Variants in CSMD2 observed in about 807,000 individuals in gnomAD.
CSMD2 encodes the protein CUB and Sushi multiple domains 2.
In CSMD2, 130 loss-of-function variants were observed where a neutral mutation model predicts 398.5. The observed-to-expected ratio is 0.33, with a 90% CI of 0.28 to 0.38. The LOEUF is 0.38. Ranked by LOEUF, CSMD2 falls within the 10% of genes least tolerant of loss-of-function variation. CSMD2 has a pLI of 1.00. For synonymous variants in CSMD2, 1,828 were observed against 1,908.5 expected (o/e 0.96, Z 1.10); for missense variants, 3,829 against 4,764.9 (o/e 0.80, Z 5.78).
At chr1:33,806,660 T>A (rs1226988587) in intron 10 of CSMD2, among the ~76,000 whole-genome samples, 1 of 152,172 alleles carries the variant, frequency 6.6e-6, no homozygotes, top group Non-Finnish European at 1.5e-5. Context: ...TCAAGAATGA[T>A]CTAAACATAA....
At chr1:33,794,806 C>A (rs1654748470) in intron 10 of CSMD2, among the ~76,000 whole-genome samples, 1 of 151,548 alleles carries the variant, frequency 6.6e-6, no homozygotes, top group Non-Finnish European at 1.5e-5. Flanking sequence ...GGGTGTGGAC[C>A]TGTAGCAAGG....
At chr1:33,548,188 ATTACC>A (rs200110913) in intron 56 of CSMD2, among the ~76,000 whole-genome samples, 3,761 of 152,284 alleles carry the variant, frequency 0.025, 153 homozygotes, top group African/African-American at 0.081. Context: ...TTGTTTATAA[ATTACC>A]AGGCTCAGGT....
chr1:33,822,136 A>G (rs908530440), intron 7 of CSMD2, among the ~76,000 whole-genome samples: 1 of 152,146 alleles, frequency 6.6e-6, no homozygotes, highest in African/African-American at 2.4e-5. Flanking sequence ...AGTTACCTAG[A>G]GATGAGTTAG....
chr1:33,702,911 A>G (rs1645657040), intron 22 of CSMD2, among the ~76,000 whole-genome samples: 1 of 152,198 alleles, frequency 6.6e-6, no homozygotes, highest in Non-Finnish European at 1.5e-5. Flanking sequence ...CTGATAGATT[A>G]GTCATTTAAC....
At chr1:33,848,981 G>A (rs947353681) in intron 5 of CSMD2, among the ~76,000 whole-genome samples, 3 of 152,150 alleles carry the variant, frequency 2.0e-5, no homozygotes, top group Non-Finnish European at 2.9e-5. Context: ...TCAAGAGCAG[G>A]ATGAGATTAA....
At position 33,857,750 on chromosome 1, in the gene CSMD2, A is replaced by G. The variant is rs534350155; in HGVS notation, c.921-10754T>C. ...AGGAGGTAGCCTCCACTAGAACCCC[A>G]TGACTAGTTTGGGGACAATTCTCCA... On this transcript the variant is annotated intron_variant, in intron 5 of 70. Coordinates refer to ENST00000373381, the MANE Select transcript of CSMD2 (RefSeq NM_001281956.2). Among the ~76,000 whole-genome samples the G allele has an allele frequency of 9.0e-4, 137 of 152,302 alleles. 1 individual carries two copies. In the South Asian group the frequency reaches 0.028, roughly 31 times the overall value.
At position 34,102,723 on chromosome 1, in the gene CSMD2, T is replaced by G. The variant is rs1031447974; in HGVS notation, c.188-13530A>C. ...GCTGGACCTTTGCATTTGCCAAGAC[T>G]TCAGCCCAGAAAATGTTTCCCCAGT... On this transcript the variant is annotated intron_variant, in intron 1 of 70. Transcript: ENST00000373381. 4.0e-5 allele frequency among the ~76,000 whole-genome samples: 6 copies of G among 151,330 alleles called. No individual in the cohort carries two copies. The East Asian group carries it at 1.2e-3, about 30-fold the overall frequency.
chr1:33,839,591 T>C (rs1660644447), intron 6 of CSMD2: 1 of 154,132 alleles, frequency 6.5e-6, no homozygotes, highest in Non-Finnish European at 1.5e-5. Context: ...ATGTTACTAT[T>C]AGTGTCTATG....
chr1:33,765,719 T>A (rs1323079581), intron 13 of CSMD2, among the ~76,000 whole-genome samples: 3 of 151,972 alleles, frequency 2.0e-5, no homozygotes, highest in South Asian at 2.1e-4. Flanking sequence ...AACTATACAA[T>A]GAAAAATAGA....
intron 15 of CSMD2, among the ~76,000 whole-genome samples, chr1:33,727,792 C>T (rs1044170693): frequency 3.9e-5 from 6 of 152,118 alleles, no homozygotes; most frequent in Admixed American, 2.6e-4. Flanking sequence ...TTTTAAGCCG[C>T]TGGGATTTGG....
intron 3 of CSMD2, among the ~76,000 whole-genome samples, chr1:33,936,685 G>A (rs1032702372): frequency 1.3e-5 from 2 of 152,222 alleles, no homozygotes; most frequent in African/African-American, 4.8e-5. Context: ...TGGCAATAAG[G>A]AGGGAGGGAG....
At chr1:33,788,325 T>C (rs1249824632) in intron 12 of CSMD2, among the ~76,000 whole-genome samples, 1 of 151,692 alleles carries the variant, frequency 6.6e-6, no homozygotes, top group Non-Finnish European at 1.5e-5. Context: ...TTGGCCAACA[T>C]GGTGAGACCC....
intron 5 of CSMD2, among the ~76,000 whole-genome samples, chr1:33,892,093 C>CA (rs954902100): frequency 0.08 from 2,157 of 27,004 alleles, 54 homozygotes; most frequent in African/African-American, 0.13. Context: ...AAGACACCAT[C>CA]AAAAAAAAAA....
intron 15 of CSMD2, among the ~76,000 whole-genome samples, chr1:33,727,249 G>C (rs1401658670): frequency 1.3e-5 from 2 of 152,210 alleles, no homozygotes; most frequent in Non-Finnish European, 2.9e-5. Context: ...GAATCAATGA[G>C]TTAATGACAG....
chr1:33,925,451 G>A (rs897572915), intron 4 of CSMD2, among the ~76,000 whole-genome samples: 1 of 152,122 alleles, frequency 6.6e-6, no homozygotes, highest in African/African-American at 2.4e-5. Context: ...TTATAGCCTT[G>A]TAATATATTT....
chr1:33,982,635 C>A (rs115511609), intron 3 of CSMD2, among the ~76,000 whole-genome samples: 6,319 of 152,202 alleles, frequency 0.042, 452 homozygotes, highest in African/African-American at 0.15. Flanking sequence ...GAATGACGGA[C>A]CTGTGAAGAG....
At chr1:33,762,380 T>A (rs542903653) in intron 13 of CSMD2, among the ~76,000 whole-genome samples, 2 of 152,274 alleles carry the variant, frequency 1.3e-5, no homozygotes, top group South Asian at 4.2e-4. Flanking sequence ...GTTGGCTTGA[T>A]CCCAAAGGTG....
chr1:33,986,465 T>C (rs570056552), intron 3 of CSMD2, among the ~76,000 whole-genome samples: 3 of 152,228 alleles, frequency 2.0e-5, no homozygotes, highest in Admixed American at 1.3e-4. Context: ...AAACTGAGGC[T>C]CAGAGAAGCA....
intron 6 of CSMD2, among the ~76,000 whole-genome samples, chr1:33,842,562 T>C (rs10914800): frequency 0.47 from 70,827 of 151,796 alleles, 16,894 homozygotes; most frequent in East Asian, 0.65. Context: ...AAACTTTTTC[T>C]GTAAAGGGCC....
Sources: gnomAD v4.1 joint callset for allele counts (sites outside exome capture counted in the v4.1 genomes callset) on GRCh38, gnomAD v4.1.1 for gene constraint, MANE v1.5 for transcripts, NCBI Gene and HGNC (gene_info 2026-07-23, HGNC 2026-07-21) for gene names.